The following ZC3HAV1 variants were observed in gnomAD, a reference collection of about 807,000 sequenced individuals.
The protein encoded by ZC3HAV1 is zinc finger CCCH-type containing, antiviral 1, also known as zinc finger CCCH-type antiviral protein 1.
ZC3HAV1 carries 41 observed loss-of-function variants against 86.6 expected under a neutral mutation model. That is an observed-to-expected ratio of 0.47 (90% CI 0.37 to 0.61). The LOEUF (loss-of-function observed/expected upper bound fraction) is 0.61. Among genes scored for constraint, ZC3HAV1 ranks in the 20% least tolerant of loss-of-function variants. ZC3HAV1 has a pLI of 0.00. For synonymous variants in ZC3HAV1, 421 were observed against 432.1 expected (o/e 0.97, Z 0.32); for missense variants, 964 against 1,141.1 (o/e 0.84, Z 2.24).
In ZC3HAV1 at chr7:139,080,251, G is replaced by A. The variant is rs770529504; in HGVS notation, c.698-8C>T. On this transcript the variant is annotated splice_region_variant and splice_polypyrimidine_tract_variant and intron_variant, in intron 3 of 12. Coordinates refer to ENST00000242351, the MANE Select transcript of ZC3HAV1 (RefSeq NM_020119.4). The stretch of plus-strand genomic sequence containing the variant: ...TACGATGTGAAGAAGGAGCTAAGGG[G>A]AAAAAAAGCCAAAATGAAACAAAAT... The A allele has an allele frequency of 1.9e-6, 3 of 1,612,910 alleles. No individual in the cohort carries two copies. Among genetic ancestry groups the A allele is most frequent in the South Asian group, 2.2e-5 (2 of 90,928 alleles).
Position 139,045,825 on chromosome 7 carries a change from C to A in ZC3HAV1, c.*1769G>T, listed in dbSNP as rs1459778600. On this transcript the variant is annotated 3_prime_UTR_variant, in exon 13 of 13. Transcript: ENST00000242351. Reference sequence around the variant, plus strand: ...AATGAACACTCCAAAACGAAAGTTACCATGAAAGAAATAAGTCAATGAGAA... The same window carrying A: ...AATGAACACTCCAAAACGAAAGTTAACATGAAAGAAATAAGTCAATGAGAA... The A allele has an allele frequency of 6.6e-6, 1 of 150,572 alleles. No homozygotes were observed. The highest frequency in any genetic ancestry group is 1.5e-5 in the Non-Finnish European group (1 of 67,816). 9.3% of individuals were successfully genotyped at this position (150,572 alleles called of 1,614,324 possible).
intron 7 of ZC3HAV1, among the ~76,000 whole-genome samples, chr7:139,067,539 G>C (rs1204676126): frequency 6.6e-6 from 1 of 152,150 alleles, no homozygotes. Context: ...AGGAATGACA[G>C]ACAATGGAGA....
intron 8 of ZC3HAV1, 88 bp downstream of exon 8, chr7:139,064,791 C>A: frequency 6.3e-7 from 1 of 1,596,402 alleles, no homozygotes; most frequent in Non-Finnish European, 8.6e-7. Flanking sequence ...CTGGCCATAG[C>A]AATGCATACC....
At chr7:139,107,726 C>T (rs1735103259) in intron 1 of ZC3HAV1, among the ~76,000 whole-genome samples, 2 of 152,218 alleles carry the variant, frequency 1.3e-5, no homozygotes, top group African/African-American at 2.4e-5. Flanking sequence ...TCGCTTGAAC[C>T]TGGGAGGTGG....
intron 7 of ZC3HAV1, among the ~76,000 whole-genome samples, chr7:139,065,429 A>G (rs1333186017): frequency 6.6e-6 from 1 of 152,236 alleles, no homozygotes; most frequent in Non-Finnish European, 1.5e-5. Context: ...GTAGTCGTGA[A>G]GGGAAGTAAA....
At chr7:139,100,186 A>T (rs953727159) in intron 1 of ZC3HAV1, among the ~76,000 whole-genome samples, 2 of 152,106 alleles carry the variant, frequency 1.3e-5, no homozygotes, top group African/African-American at 4.8e-5. Context: ...ACTTAAAAAA[A>T]TGAGTAATAA....
intron 1 of ZC3HAV1, among the ~76,000 whole-genome samples, chr7:139,097,429 T>TATATATATATATATATATA (rs1491244234): frequency 4.6e-4 from 26 of 56,814 alleles, no homozygotes; most frequent in South Asian, 1.4e-3. Flanking sequence ...TATATATATA[T>TATATATATATATATATATA]TTTTTTTTTT....
chr7:139,075,016 T>C (rs1261376409), intron 6 of ZC3HAV1, among the ~76,000 whole-genome samples: 1 of 152,176 alleles, frequency 6.6e-6, no homozygotes, highest in Non-Finnish European at 1.5e-5. Flanking sequence ...GATTTTGACC[T>C]CAGTGGGTAT....
At chr7:139,053,642 A>T in intron 11 of ZC3HAV1, 61 bp from the exon 12 acceptor site, 1 of 1,503,060 alleles carries the variant, frequency 6.7e-7, no homozygotes, top group Non-Finnish European at 8.8e-7. Context: ...AGTTGATAAC[A>T]TTAATCCCAG....
rs779394927 is a variant in ZC3HAV1, at chr7:139,055,268, C to T, written c.2124G>A (p.Val708=). The T allele has an allele frequency of 5.0e-6, 8 of 1,613,302 alleles. No homozygotes were observed. The highest frequency in any genetic ancestry group is 1.7e-6 in the Non-Finnish European group (2 of 1,179,498). Residue 708 remains valine (V), a synonymous_variant, in exon 10 of 13, where the codon GTG becomes GTA. Transcript: ENST00000242351. ...PDHQPAKTSS[V]SLTATFRPQE... ...GAGGACGAAAGGTCGCAGTTAAAGA[C>T]ACTGACGAGGTCTTTGCTGGCTGAT...
rs929386748 is a variant in ZC3HAV1 at position 139,057,951 on chromosome 7, G to C, written c.2097-2656C>G. On this transcript the variant is annotated intron_variant, in intron 9 of 12. Transcript: ENST00000242351. ...CAGTTTATCTCTATTTTAAGGTCAG[G>C]TTTCCATTCTGGATTTGTATAACAT... Among the ~76,000 whole-genome samples the C allele has an allele frequency of 9.9e-5, 15 of 152,260 alleles. No homozygotes were observed. The South Asian group carries it at 2.7e-3, about 27-fold the overall frequency.
chr7:139,081,492 C>G (rs557739806), intron 3 of ZC3HAV1, among the ~76,000 whole-genome samples: 1 of 152,262 alleles, frequency 6.6e-6, no homozygotes, highest in Admixed American at 6.5e-5. Flanking sequence ...ACCCATCCCT[C>G]CAGACATTCC....
In ZC3HAV1 at chr7:139,079,760, G is replaced by A. The variant is rs1161971009; in HGVS notation, c.1181C>T (p.Pro394Leu). The A allele has an allele frequency of 6.2e-7, 1 of 1,614,202 alleles. No homozygotes were observed. Among genetic ancestry groups the A allele is most frequent in the Non-Finnish European group, 8.5e-7 (1 of 1,180,042 alleles). Reference protein sequence around the residue: ...ARSSLGSLQTPEAVTTRKGTG... With the variant: ...ARSSLGSLQTLEAVTTRKGTG... The stretch of plus-strand genomic sequence containing the variant: ...GCCCTTTCTGGTGGTCACAGCTTCA[G>A]GTGTTTGCAGAGAGCCAAGAGAAGA... Residue 394 changes from proline to leucine, a missense_variant, in exon 4 of 13, where the codon CCT (proline) becomes CTT (leucine). Physicochemically the swap from Pro to Leu is moderately conservative, Grantham distance 98. Coordinates refer to ENST00000242351, the MANE Select transcript of ZC3HAV1 (RefSeq NM_020119.4).
intron 7 of ZC3HAV1, among the ~76,000 whole-genome samples, chr7:139,065,952 T>C (rs1027655561): frequency 6.6e-6 from 1 of 151,978 alleles, no homozygotes; most frequent in African/African-American, 2.4e-5. Flanking sequence ...AATGTAAAGC[T>C]ATAATCTCTA....
At position 139,109,604 on chromosome 7, in the gene ZC3HAV1, G is replaced by T; in HGVS notation, c.-273C>A. 2.5e-6 allele frequency: 1 copy of T among 392,738 alleles called. No homozygotes were observed. 24.3% of individuals were successfully genotyped at this position (392,738 alleles called of 1,614,324 possible). On this transcript the variant is annotated 5_prime_UTR_variant, in exon 1 of 13. Transcript: ENST00000242351. ...CTGGGTGGAAAGAAAGAGAACGCGC[G>T]GGCAAATCTGCTGGTGACCGCCTGG... is the stretch of plus-strand genomic sequence containing the variant.
At chr7:139,083,223 A>C (rs952648632) in intron 3 of ZC3HAV1, among the ~76,000 whole-genome samples, 2 of 141,166 alleles carry the variant, frequency 1.4e-5, no homozygotes, top group African/African-American at 5.3e-5. Context: ...TTTTAGAAAA[A>C]TGATATACAC....
intron 7 of ZC3HAV1, among the ~76,000 whole-genome samples, chr7:139,071,157 C>A (rs531088408): frequency 1.0e-4 from 15 of 147,348 alleles, no homozygotes; most frequent in Admixed American, 4.1e-4. Context: ...AGCGTAGTGG[C>A]ACAGTCTCGG....
chr7:139,082,149 C>T (rs150513783), intron 3 of ZC3HAV1, among the ~76,000 whole-genome samples: 3,746 of 152,128 alleles, frequency 0.025, 150 homozygotes, highest in African/African-American at 0.086. Flanking sequence ...CCTGTAATCC[C>T]AGCTACTTGG....
intron 2 of ZC3HAV1, among the ~76,000 whole-genome samples, chr7:139,089,034 A>T (rs1230868701): frequency 3.4e-5 from 5 of 145,112 alleles, no homozygotes; most frequent in African/African-American, 1.3e-4. Flanking sequence ...CCTGGGAGGC[A>T]GAGGTTGCAG....
Sources: allele counts gnomAD v4.1 joint callset (sites outside exome capture counted in the v4.1 genomes callset), GRCh38; gene constraint gnomAD v4.1.1; transcripts MANE v1.5; gene names NCBI Gene and HGNC (gene_info 2026-07-23, HGNC 2026-07-21).